Variants in RXRA observed in about 807,000 individuals in gnomAD.
RXRA encodes retinoic acid receptor RXR-alpha.
A neutral mutation model predicts 44.5 loss-of-function variants in RXRA; 5 were observed. The ratio of observed to expected loss-of-function variants is 0.11; its 90% CI spans 0.06 to 0.24. The LOEUF is 0.24. Ranked by LOEUF, RXRA falls within the 10% of genes least tolerant of loss-of-function variation. The pLI is 1.00. For missense variants in RXRA, 412 were observed against 646.5 expected (o/e 0.64, Z 3.93); for synonymous variants, 291 against 271.4 (o/e 1.07, Z -0.71).
chr9:134,365,310 G>A lies in RXRA; in HGVS notation c.29-36322G>A, dbSNP rs995540559. 6.6e-6 allele frequency among the ~76,000 whole-genome samples: 1 copy of A among 152,256 alleles called. No homozygotes were observed. Among genetic ancestry groups the A allele is most frequent in the Non-Finnish European group, 1.5e-5 (1 of 68,052 alleles). On this transcript the variant is annotated intron_variant, in intron 1 of 9. Coordinates refer to ENST00000481739, the MANE Select transcript of RXRA (RefSeq NM_002957.6). This position sits in a 1 kb window ranked among gnomAD's most constrained non-coding sequence, Gnocchi z 4.0. ...GAGCTGAAAGCCCTCGCCCCTCGTGGTGGGGCAGCGCGTCCCTGGGTGAGT... is the reference window on the plus strand; with the variant it reads ...GAGCTGAAAGCCCTCGCCCCTCGTGATGGGGCAGCGCGTCCCTGGGTGAGT...
chr9:134,335,275 C>T (rs1156343060), intron 1 of RXRA, among the ~76,000 whole-genome samples: 1 of 152,188 alleles, frequency 6.6e-6, no homozygotes, highest in Middle Eastern at 3.2e-3. Context: ...AGCAAATTCA[C>T]CTCACTAGGC....
rs1312555365 is a variant in RXRA at position 134,366,522 on chromosome 9, A to G, written c.29-35110A>G. Among the ~76,000 whole-genome samples the G allele has an allele frequency of 1.3e-5, 2 of 151,738 alleles. No homozygotes were observed. Among genetic ancestry groups the G allele is most frequent in the African/African-American group, 4.8e-5 (2 of 41,284 alleles). ...GCGGGAGTCCCCCTCCCCAGCAGCC[A>G]CCCCGTGCCATGGGCCTCCAGGTCC... On this transcript the variant is annotated intron_variant, in intron 1 of 9. Transcript: ENST00000481739. This position sits in a 1 kb window ranked among gnomAD's most constrained non-coding sequence, Gnocchi z 5.9.
intron 6 of RXRA, chr9:134,422,259 G>A: frequency 7.8e-7 from 1 of 1,282,976 alleles, no homozygotes; most frequent in South Asian, 1.2e-5. Flanking sequence ...CATCTCCCAG[G>A]ACGCTCCCCG....
chr9:134,344,007 CG>C (rs57595528), intron 1 of RXRA, among the ~76,000 whole-genome samples: 1 of 152,102 alleles, frequency 6.6e-6, no homozygotes, highest in African/African-American at 2.4e-5. Flanking sequence ...CTGAGGTTCC[CG>C]GGGGCCGTGC....
At chr9:134,418,349 T>C (rs571588744) in intron 5 of RXRA, among the ~76,000 whole-genome samples, 1 of 152,262 alleles carries the variant, frequency 6.6e-6, no homozygotes, top group East Asian at 1.9e-4. Flanking sequence ...ATGTGTCTTT[T>C]GCCATGGTCA....
At chr9:134,376,439 C>CA (rs1830558582) in intron 1 of RXRA, among the ~76,000 whole-genome samples, 1 of 152,228 alleles carries the variant, frequency 6.6e-6, no homozygotes, top group African/African-American at 2.4e-5. Context: ...GGCCCAACCA[C>CA]AGCCCCCACT....
intron 1 of RXRA, among the ~76,000 whole-genome samples, chr9:134,341,035 G>T (rs1294919244): frequency 6.6e-6 from 1 of 152,214 alleles, no homozygotes; most frequent in Non-Finnish European, 1.5e-5. Flanking sequence ...CCCTGGCCTC[G>T]TGCCCTCACC....
intron 1 of RXRA, among the ~76,000 whole-genome samples, chr9:134,352,627 C>T (rs192076602): frequency 6.6e-6 from 1 of 152,348 alleles, no homozygotes; most frequent in Non-Finnish European, 1.5e-5. Context: ...CCTGGCTGAG[C>T]CCTGCAGCTC....
chr9:134,421,578 G>A, intron 5 of RXRA, 98 bp from the exon 6 acceptor site: 1 of 1,378,304 alleles, frequency 7.3e-7, no homozygotes, highest in Non-Finnish European at 9.8e-7. Context: ...TCAGCGTCCT[G>A]CATGGGCCCA....
At chr9:134,429,390 G>A (rs1803727632) in intron 7 of RXRA, 150 bp downstream of exon 7, 2 of 895,136 alleles carry the variant, frequency 2.2e-6, no homozygotes, top group African/African-American at 1.7e-5. Flanking sequence ...AAAAGCATGA[G>A]GAGGAGGCTC....
At chr9:134,429,377 G>T in intron 7 of RXRA, 137 bp downstream of exon 7, 1 of 955,396 alleles carries the variant, frequency 1.0e-6, no homozygotes, top group Non-Finnish European at 1.5e-6. Flanking sequence ...CATGGAAAAA[G>T]AGAAAAGCAT....
intron 1 of RXRA, among the ~76,000 whole-genome samples, chr9:134,337,958 C>CG (rs2119020641): frequency 6.6e-6 from 1 of 152,294 alleles, no homozygotes; most frequent in East Asian, 1.9e-4. Flanking sequence ...TGGGTGACTG[C>CG]GCCCCCAGTG....
chr9:134,348,776 A>G (rs1271447021), intron 1 of RXRA, among the ~76,000 whole-genome samples: 6 of 151,702 alleles, frequency 4.0e-5, no homozygotes, highest in African/African-American at 1.5e-4. Flanking sequence ...ACAATGCAGG[A>G]TTCGGTGGTC....
At chr9:134,422,213 C>G (rs754119504) in intron 6 of RXRA, 46 of 1,284,684 alleles carry the variant, frequency 3.6e-5, no homozygotes, top group Non-Finnish European at 4.7e-5. Context: ...CACACTTCCC[C>G]CTCCTGGGAC....
intron 4 of RXRA, 39 bp downstream of exon 4, chr9:134,409,158 G>C (rs1831106630): frequency 6.7e-7 from 1 of 1,503,094 alleles, no homozygotes; most frequent in African/African-American, 1.4e-5. Flanking sequence ...GGCAGGTGTT[G>C]GACAAACAGT....
chr9:134,429,911 A>T (rs1193413940), intron 7 of RXRA, among the ~76,000 whole-genome samples: 1 of 150,092 alleles, frequency 6.7e-6, no homozygotes, highest in Non-Finnish European at 1.5e-5. Context: ...TTTGAGATGG[A>T]GTCTCGCTCT....
chr9:134,397,767 C>T (rs956703923), intron 1 of RXRA, among the ~76,000 whole-genome samples: 22 of 152,130 alleles, frequency 1.4e-4, no homozygotes, highest in Non-Finnish European at 2.8e-4. Context: ...GGCTCAGGTT[C>T]TGAGGTTCCC....
intron 6 of RXRA, among the ~76,000 whole-genome samples, chr9:134,427,879 G>C (rs1831460422): frequency 6.6e-6 from 1 of 152,224 alleles, no homozygotes; most frequent in Non-Finnish European, 1.5e-5. Context: ...AGAGGCTGGA[G>C]CCTCTAGAGC....
At chr9:134,359,325 G>A (rs903599697) in intron 1 of RXRA, among the ~76,000 whole-genome samples, 4 of 152,102 alleles carry the variant, frequency 2.6e-5, no homozygotes, top group Non-Finnish European at 5.9e-5. Context: ...AGTGGGCTTC[G>A]AAAGCTTTGG....
Sources: allele counts gnomAD v4.1 joint callset (sites outside exome capture counted in the v4.1 genomes callset), GRCh38; gene constraint gnomAD v4.1.1; non-coding constraint Gnocchi (gnomAD v3.1); transcripts MANE v1.5; gene names NCBI Gene and HGNC (gene_info 2026-07-23, HGNC 2026-07-21).